SOS1: variants seen among roughly 807,000 people sequenced by gnomAD.
The protein encoded by SOS1 is son of sevenless homolog 1.
Under a neutral mutation model 157.6 loss-of-function variants are expected in SOS1, and 25 were observed. The observed-to-expected ratio is 0.16, with a 90% CI of 0.12 to 0.22. The LOEUF is 0.22. Among genes scored for constraint, SOS1 ranks in the 10% least tolerant of loss-of-function variants. The pLI is 1.00. For missense variants in SOS1, 1,237 were observed against 1,599.1 expected (o/e 0.77, Z 3.86); for synonymous variants, 528 against 534.0 (o/e 0.99, Z 0.16).
At chr2:39,028,284 G>C (rs1281705465) in intron 8 of SOS1, among the ~76,000 whole-genome samples, 2 of 152,188 alleles carry the variant, frequency 1.3e-5, no homozygotes, top group Non-Finnish European at 2.9e-5. Flanking sequence ...AACCCTGGGA[G>C]ATAAATGGGA....
At chr2:39,015,117 A>C (rs1437958751) in intron 10 of SOS1, among the ~76,000 whole-genome samples, 1 of 152,126 alleles carries the variant, frequency 6.6e-6, no homozygotes, top group Non-Finnish European at 1.5e-5. Flanking sequence ...AGCAAGAAAG[A>C]AAAGCAAAGG....
chr2:39,044,692 C>T (rs1167971284), intron 6 of SOS1, among the ~76,000 whole-genome samples: 2 of 152,026 alleles, frequency 1.3e-5, no homozygotes, highest in African/African-American at 2.4e-5. Context: ...GAAACCCTTG[C>T]GTACTCAGGG....
At chr2:39,031,056 C>G (rs1328493532) in intron 8 of SOS1, among the ~76,000 whole-genome samples, 2 of 152,034 alleles carry the variant, frequency 1.3e-5, no homozygotes, top group Admixed American at 6.6e-5. Context: ...AAGTGTGGCC[C>G]TGCCCACACC....
chr2:38,999,515 A>G (rs1439786557), intron 17 of SOS1, among the ~76,000 whole-genome samples: 2 of 152,206 alleles, frequency 1.3e-5, no homozygotes, highest in African/African-American at 4.8e-5. Context: ...TGCATTAGTT[A>G]CTTGGTTATT....
chr2:39,038,945 C>T (rs928598126), intron 6 of SOS1, among the ~76,000 whole-genome samples: 3 of 151,910 alleles, frequency 2.0e-5, no homozygotes, highest in Non-Finnish European at 4.4e-5. Context: ...AGAAATCTTT[C>T]ATAAAAGAAA....
chr2:39,056,025 A>C (rs1268808298), intron 4 of SOS1, among the ~76,000 whole-genome samples: 3 of 152,236 alleles, frequency 2.0e-5, no homozygotes, highest in Non-Finnish European at 4.4e-5. Flanking sequence ...TAGTATCTGA[A>C]GAAAGCTAGG....
chr2:39,071,143 C>T (rs1671778993), intron 1 of SOS1, among the ~76,000 whole-genome samples: 1 of 152,202 alleles, frequency 6.6e-6, no homozygotes, highest in Non-Finnish European at 1.5e-5. Context: ...GCTGAGATTA[C>T]AGGCGTGAGC....
chr2:39,053,602 G>A (rs1671097572), intron 5 of SOS1, among the ~76,000 whole-genome samples: 1 of 152,054 alleles, frequency 6.6e-6, no homozygotes, highest in African/African-American at 2.4e-5. Context: ...CATAGCTTGA[G>A]CCCAATCCCA....
At chr2:39,016,137 G>C (rs1669621592) in intron 10 of SOS1, among the ~76,000 whole-genome samples, 1 of 151,858 alleles carries the variant, frequency 6.6e-6, no homozygotes, top group Admixed American at 6.6e-5. Flanking sequence ...CAAATTCATG[G>C]ATTTATCACA....
chr2:39,117,023 A>G (rs1226858467), intron 1 of SOS1, among the ~76,000 whole-genome samples: 1 of 142,492 alleles, frequency 7.0e-6, no homozygotes, highest in Non-Finnish European at 1.5e-5. Flanking sequence ...TGATTATGTC[A>G]TTTACTTTTT....
chr2:39,047,137 ATC>A (rs1162020585), intron 6 of SOS1, among the ~76,000 whole-genome samples: 1 of 152,122 alleles, frequency 6.6e-6, no homozygotes, highest in African/African-American at 2.4e-5. Flanking sequence ...TACTCTAATA[ATC>A]TGTTTCCAAA....
At chr2:39,097,941 A>C (rs898590828) in intron 1 of SOS1, among the ~76,000 whole-genome samples, 1 of 152,196 alleles carries the variant, frequency 6.6e-6, no homozygotes, top group East Asian at 1.9e-4. Context: ...ATAAGCTTTA[A>C]ATTAACTATT....
intron 1 of SOS1, among the ~76,000 whole-genome samples, chr2:39,116,795 G>A (rs1021424639): frequency 1.3e-5 from 2 of 152,172 alleles, no homozygotes; most frequent in African/African-American, 4.8e-5. Flanking sequence ...AGGCTGCAGT[G>A]AGCCAAGATC....
At chr2:39,051,465 A>T (rs1328983533) in intron 5 of SOS1, 178 bp from the exon 6 acceptor site, 2 of 588,100 alleles carry the variant, frequency 3.4e-6, no homozygotes, top group Admixed American at 5.6e-5. Context: ...GCAAAGGTGT[A>T]CAATTTGCAA....
chr2:39,027,650 T>G (rs933028912), intron 8 of SOS1, among the ~76,000 whole-genome samples: 3 of 152,194 alleles, frequency 2.0e-5, no homozygotes, highest in African/African-American at 7.2e-5. Context: ...CATCCTCTTG[T>G]TACCAGTGAT....
At chr2:39,101,174 A>G (rs1672953061) in intron 1 of SOS1, among the ~76,000 whole-genome samples, 2 of 152,166 alleles carry the variant, frequency 1.3e-5, no homozygotes, top group Non-Finnish European at 2.9e-5. Context: ...TCACATGGCA[A>G]GAGAGAGGGG....
intron 1 of SOS1, among the ~76,000 whole-genome samples, chr2:39,074,738 G>A (rs958092525): frequency 5.9e-5 from 9 of 151,650 alleles, no homozygotes; most frequent in Middle Eastern, 3.4e-3. Context: ...ATGGTGGCAC[G>A]TGCCTGTAAT....
intron 6 of SOS1, among the ~76,000 whole-genome samples, chr2:39,039,622 C>G (rs928269627): frequency 6.6e-6 from 1 of 152,204 alleles, no homozygotes; most frequent in South Asian, 2.1e-4. Context: ...TTTTTATTAG[C>G]TTGACTTTAC....
At chr2:39,062,104 A>C (rs1671423306) in intron 2 of SOS1, among the ~76,000 whole-genome samples, 1 of 152,088 alleles carries the variant, frequency 6.6e-6, no homozygotes, top group Non-Finnish European at 1.5e-5. Flanking sequence ...TCTAAATGTT[A>C]ATGGAAAGCT....
Sources: allele counts gnomAD v4.1 joint callset (sites outside exome capture counted in the v4.1 genomes callset), GRCh38; gene constraint gnomAD v4.1.1; transcripts MANE v1.5; gene names NCBI Gene and HGNC (gene_info 2026-07-23, HGNC 2026-07-21).